LINGO2: variants seen among roughly 807,000 people sequenced by gnomAD.
LINGO2 encodes leucine-rich repeat and immunoglobulin-like domain-containing nogo receptor-interacting protein 2.
A neutral mutation model predicts 30.6 loss-of-function variants in LINGO2; 14 were observed. The ratio of observed to expected loss-of-function variants is 0.46; its 90% CI spans 0.30 to 0.72. LINGO2 has a LOEUF of 0.72. LINGO2 is among the 30% of genes least tolerant of loss of function. The probability of loss-of-function intolerance (pLI) is 0.07; values close to 1 mark genes in which losing one functional copy is unlikely to be tolerated. For missense variants in LINGO2, 729 were observed against 751.7 expected (o/e 0.97, Z 0.35); for synonymous variants, 317 against 288.5 (o/e 1.10, Z -1.00).
At position 28,048,786 on chromosome 9, in the gene LINGO2, G is replaced by T. The variant is rs1004894035; in HGVS notation, c.-86-36381C>A. Reference sequence around the variant, plus strand: ...AATCATTAAAATGATAATTATGAAGGATATATAGAAATGTTAAAAGTACCA... The same window carrying T: ...AATCATTAAAATGATAATTATGAAGTATATATAGAAATGTTAAAAGTACCA... On this transcript the variant is annotated intron_variant, in intron 4 of 5. Transcript: ENST00000379992. Among the ~76,000 whole-genome samples the T allele has an allele frequency of 6.7e-5, 10 of 150,182 alleles. 1 individual carries two copies. Among genetic ancestry groups the T allele is most frequent in the Admixed American group, 6.0e-4 (9 of 14,938 alleles).
At chr9:28,374,348 A>G (rs13287007) in intron 2 of LINGO2, among the ~76,000 whole-genome samples, 76,750 of 151,332 alleles carry the variant, frequency 0.51, 20,871 homozygotes, top group Non-Finnish European at 0.59. Flanking sequence ...CATGAATATT[A>G]TGCTTTAAGT....
At chr9:28,415,738 T>C (rs951022750) in intron 2 of LINGO2, among the ~76,000 whole-genome samples, 2 of 152,192 alleles carry the variant, frequency 1.3e-5, no homozygotes, top group Non-Finnish European at 2.9e-5. Flanking sequence ...TATTTGTCCA[T>C]CCGTACCTTT....
At chr9:29,001,096 T>C in the LINGO2 span, among the ~76,000 whole-genome samples, 2 of 151,678 alleles carry the variant, frequency 1.3e-5, no homozygotes. Context: ...TTTGTATGTG[T>C]GTGTGTGTGA....
the LINGO2 span, among the ~76,000 whole-genome samples, chr9:29,114,676 A>T: frequency 3.7e-3 from 549 of 150,258 alleles, 2 homozygotes; most frequent in African/African-American, 0.013. Flanking sequence ...TCCTTGCGAT[A>T]GTTTACTGAG....
intron 4 of LINGO2, among the ~76,000 whole-genome samples, chr9:28,187,018 G>A (rs986330237): frequency 5.9e-5 from 9 of 152,084 alleles, no homozygotes; most frequent in Non-Finnish European, 7.4e-5. Context: ...CTACAGTAGT[G>A]GGGACAGATT....
intron 5 of LINGO2, among the ~76,000 whole-genome samples, chr9:27,951,441 C>T (rs7851226): frequency 0.082 from 12,451 of 152,008 alleles, 1,592 homozygotes; most frequent in African/African-American, 0.27. Context: ...AATAAAAATG[C>T]TCTTTTAAAT....
chr9:28,631,723 C>T (rs1005155712), intron 1 of LINGO2, among the ~76,000 whole-genome samples: 3 of 151,996 alleles, frequency 2.0e-5, no homozygotes, highest in African/African-American at 4.8e-5. Flanking sequence ...CCAAGTGCCG[C>T]CTTATACCTA....
At chr9:28,074,626 G>C (rs1471297770) in intron 4 of LINGO2, among the ~76,000 whole-genome samples, 1 of 152,092 alleles carries the variant, frequency 6.6e-6, no homozygotes. Context: ...GTTGATCCAA[G>C]TCATCTCAAT....
chr9:28,603,749 G>C (rs1438632432), intron 1 of LINGO2, among the ~76,000 whole-genome samples: 1 of 151,912 alleles, frequency 6.6e-6, no homozygotes, highest in African/African-American at 2.4e-5. Flanking sequence ...GGCGATTTTG[G>C]ATCAGACAAT....
intron 4 of LINGO2, among the ~76,000 whole-genome samples, chr9:28,058,506 C>T (rs1358400057): frequency 6.6e-6 from 1 of 152,154 alleles, no homozygotes; most frequent in African/African-American, 2.4e-5. Flanking sequence ...TATAGTTTCT[C>T]TTACTGGACT....
the LINGO2 span, among the ~76,000 whole-genome samples, chr9:28,857,682 T>C: frequency 2.0e-5 from 3 of 152,074 alleles, no homozygotes; most frequent in African/African-American, 7.2e-5. Flanking sequence ...CAACTTAAAA[T>C]CATATGAAAT....
chr9:29,116,679 AG>A, the LINGO2 span, among the ~76,000 whole-genome samples: 2 of 151,926 alleles, frequency 1.3e-5, no homozygotes, highest in Non-Finnish European at 1.5e-5. Flanking sequence ...ATAATGTTCA[AG>A]AAAAAAAAAA....
chr9:28,017,142 C>G (rs146830192), intron 4 of LINGO2, among the ~76,000 whole-genome samples: 1 of 152,070 alleles, frequency 6.6e-6, no homozygotes, highest in Non-Finnish European at 1.5e-5. Context: ...AGCCAACATC[C>G]CTTCATGTTA....
chr9:28,032,120 CT>C (rs1450157187), intron 4 of LINGO2, among the ~76,000 whole-genome samples: 1 of 151,992 alleles, frequency 6.6e-6, no homozygotes, highest in Admixed American at 6.6e-5. Flanking sequence ...CAGCTTTGGC[CT>C]TTGAAAACCG....
intron 3 of LINGO2, among the ~76,000 whole-genome samples, chr9:28,307,415 T>A (rs952515692): frequency 6.6e-6 from 1 of 152,142 alleles, no homozygotes; most frequent in African/African-American, 2.4e-5. Context: ...AATTAGGTAT[T>A]GATGGGACGT....
chr9:28,278,359 G>A (rs1823203834), intron 4 of LINGO2, among the ~76,000 whole-genome samples: 1 of 152,152 alleles, frequency 6.6e-6, no homozygotes, highest in Non-Finnish European at 1.5e-5. Flanking sequence ...AGATGAAATG[G>A]CCTTATTTTG....
chr9:29,083,026 G>A, the LINGO2 span, among the ~76,000 whole-genome samples: 13 of 152,058 alleles, frequency 8.5e-5, no homozygotes, highest in African/African-American at 2.7e-4. Context: ...TCAGTGTGGC[G>A]ATTCCTCAGG....
chr9:28,614,336 T>G (rs910949205), intron 1 of LINGO2, among the ~76,000 whole-genome samples: 24 of 152,174 alleles, frequency 1.6e-4, no homozygotes, highest in African/African-American at 5.5e-4. Context: ...ATCAATAGGC[T>G]TTTCATTAGT....
chr9:29,114,313 C>T, the LINGO2 span, among the ~76,000 whole-genome samples: 24,106 of 150,766 alleles, frequency 0.16, 2,054 homozygotes, highest in East Asian at 0.34. Context: ...TTTCGATTAC[C>T]GCATACTTGC....
Sources: gnomAD v4.1 joint callset for allele counts (sites outside exome capture counted in the v4.1 genomes callset) on GRCh38, gnomAD v4.1.1 for gene constraint, MANE v1.5 for transcripts, NCBI Gene and HGNC (gene_info 2026-07-23, HGNC 2026-07-21) for gene names.